SLCO6A1: variants seen among roughly 807,000 people sequenced by gnomAD.
SLCO6A1 encodes the protein solute carrier organic anion transporter family member 6A1, also known as cancer/testis antigen 48.
A neutral mutation model predicts 72.7 loss-of-function variants in SLCO6A1; 65 were observed. The observed-to-expected ratio is 0.89, with a 90% confidence interval of 0.73 to 1.10. The LOEUF is 1.10. Among genes scored for constraint, SLCO6A1 ranks in the 50% least tolerant of loss-of-function variants. The pLI is 0.00. For synonymous variants in SLCO6A1, 314 were observed against 298.2 expected (o/e 1.05, Z -0.55); for missense variants, 874 against 872.6 (o/e 1.00, Z -0.02).
intron 7 of SLCO6A1, among the ~76,000 whole-genome samples, chr5:102,420,909 T>G (rs1464197542): frequency 6.6e-6 from 1 of 152,116 alleles, no homozygotes; most frequent in Non-Finnish European, 1.5e-5. Context: ...CATTTCCAAC[T>G]GAGGTACCCG....
chr5:102,438,905 T>C (rs1360857815), intron 6 of SLCO6A1, 144 bp from the exon 7 acceptor site: 6 of 436,160 alleles, frequency 1.4e-5, no homozygotes, highest in Non-Finnish European at 2.4e-5. Context: ...AGATGATAGA[T>C]AGATAGATAG....
chr5:102,421,166 G>T (rs563072782), intron 7 of SLCO6A1, among the ~76,000 whole-genome samples: 1 of 152,108 alleles, frequency 6.6e-6, no homozygotes, highest in Non-Finnish European at 1.5e-5. Flanking sequence ...CCAGGGCCCT[G>T]GGTTTCAAGC....
intron 7 of SLCO6A1, among the ~76,000 whole-genome samples, chr5:102,436,598 G>A (rs1203080862): frequency 2.0e-5 from 3 of 152,164 alleles, no homozygotes; most frequent in Admixed American, 6.5e-5. Context: ...TAAGCAAGCT[G>A]TGGCATACTC....
chr5:102,497,395 C>T (rs1439899042), intron 1 of SLCO6A1, among the ~76,000 whole-genome samples: 4 of 152,168 alleles, frequency 2.6e-5, no homozygotes, highest in African/African-American at 7.2e-5. Context: ...TTATTTTAAA[C>T]TCCAGGTGAT....
intron 9 of SLCO6A1, among the ~76,000 whole-genome samples, chr5:102,411,807 G>A (rs1355426050): frequency 6.6e-6 from 1 of 152,014 alleles, no homozygotes; most frequent in African/African-American, 2.4e-5. Flanking sequence ...TTTTGAAATG[G>A]CCCTGCAAAG....
chr5:102,404,591 A>C (rs143848739), intron 9 of SLCO6A1, among the ~76,000 whole-genome samples: 2,428 of 151,652 alleles, frequency 0.016, 29 homozygotes, highest in South Asian at 0.044. Flanking sequence ...TTGAACTATC[A>C]ACATTTTTTA....
intron 1 of SLCO6A1, among the ~76,000 whole-genome samples, chr5:102,481,348 T>A (rs949213499): frequency 6.6e-6 from 1 of 152,158 alleles, no homozygotes; most frequent in Non-Finnish European, 1.5e-5. Flanking sequence ...GCTGATAGCA[T>A]CACATTTATT....
chr5:102,451,886 A>G (rs1750436730), intron 6 of SLCO6A1, among the ~76,000 whole-genome samples: 1 of 152,144 alleles, frequency 6.6e-6, no homozygotes, highest in Admixed American at 6.5e-5. Flanking sequence ...GGCACTCTCT[A>G]ATATAGTTTT....
At chr5:102,374,669 T>C (rs1745681897) in intron 12 of SLCO6A1, among the ~76,000 whole-genome samples, 1 of 152,228 alleles carries the variant, frequency 6.6e-6, no homozygotes, top group African/African-American at 2.4e-5. Context: ...TTATACATTT[T>C]ACAGGGAAAA....
chr5:102,402,589 G>A (rs1190138722), intron 9 of SLCO6A1, among the ~76,000 whole-genome samples: 1 of 152,070 alleles, frequency 6.6e-6, no homozygotes, highest in Non-Finnish European at 1.5e-5. Context: ...TCTAGTGAGG[G>A]CCTTTATGCT....
chr5:102,420,918 C>T (rs370020844), intron 7 of SLCO6A1, among the ~76,000 whole-genome samples: 2 of 151,990 alleles, frequency 1.3e-5, no homozygotes, highest in Admixed American at 1.3e-4. Flanking sequence ...CTGAGGTACC[C>T]GGTTCATCTC....
intron 1 of SLCO6A1, among the ~76,000 whole-genome samples, chr5:102,488,398 G>A (rs886955542): frequency 6.6e-6 from 1 of 152,056 alleles, no homozygotes; most frequent in African/African-American, 2.4e-5. Context: ...TATTTTTCAC[G>A]AGTTTCCAAA....
At chr5:102,497,433 A>T (rs374175984) in intron 1 of SLCO6A1, among the ~76,000 whole-genome samples, 1 of 152,166 alleles carries the variant, frequency 6.6e-6, no homozygotes, top group East Asian at 1.9e-4. Context: ...AGAGTTGGTG[A>T]CCAAACAACG....
intron 1 of SLCO6A1, among the ~76,000 whole-genome samples, chr5:102,490,562 C>T (rs974082126): frequency 3.3e-5 from 5 of 152,144 alleles, no homozygotes; most frequent in East Asian, 3.9e-4. Flanking sequence ...AATGAAACCG[C>T]GGACCCTCAC....
At chr5:102,441,129 T>C (rs962343651) in intron 6 of SLCO6A1, among the ~76,000 whole-genome samples, 57 of 152,342 alleles carry the variant, frequency 3.7e-4, no homozygotes, top group Middle Eastern at 6.8e-3. Flanking sequence ...ATCCATAAAG[T>C]TCGAATTCAT....
At chr5:102,479,545 T>C (rs1298563747) in intron 2 of SLCO6A1, among the ~76,000 whole-genome samples, 1 of 152,096 alleles carries the variant, frequency 6.6e-6, no homozygotes, top group Non-Finnish European at 1.5e-5. Flanking sequence ...ATTCCAACAA[T>C]CCTTAAAATT....
chr5:102,427,575 GA>G (rs1396018705), intron 7 of SLCO6A1, among the ~76,000 whole-genome samples: 2 of 151,922 alleles, frequency 1.3e-5, no homozygotes, highest in African/African-American at 4.8e-5. Context: ...AACAAGGAAA[GA>G]CTGAGAAATT....
intron 7 of SLCO6A1, among the ~76,000 whole-genome samples, chr5:102,425,579 C>T (rs947600963): frequency 2.6e-5 from 4 of 152,098 alleles, no homozygotes; most frequent in African/African-American, 9.7e-5. Context: ...TGAAGAACTT[C>T]TTCAAGGAGA....
intron 6 of SLCO6A1, 28 bp downstream of exon 6, chr5:102,458,354 A>T: frequency 6.6e-7 from 1 of 1,507,974 alleles, no homozygotes; most frequent in Middle Eastern, 1.7e-4. Flanking sequence ...ACTTAGTTGG[A>T]TTGTTCAAGT....
Sources: allele counts gnomAD v4.1 joint callset (sites outside exome capture counted in the v4.1 genomes callset), GRCh38; gene constraint gnomAD v4.1.1; transcripts MANE v1.5; gene names NCBI Gene and HGNC (gene_info 2026-07-23, HGNC 2026-07-21).